Variants in BSPRY observed in about 807,000 individuals in gnomAD.
The protein encoded by BSPRY is B box and SPRY domain-containing protein.
In BSPRY, 33 loss-of-function variants were observed where a neutral mutation model predicts 38.0. The observed-to-expected ratio is 0.87, with a 90% CI of 0.66 to 1.16. The LOEUF (loss-of-function observed/expected upper bound fraction) is 1.16. Ranked by LOEUF, BSPRY falls within the 50% of genes most tolerant of loss-of-function variation. The probability of loss-of-function intolerance (pLI) is 0.00; values close to 1 mark genes in which losing one functional copy is unlikely to be tolerated. For synonymous variants in BSPRY, 224 were observed against 228.5 expected (o/e 0.98, Z 0.18); for missense variants, 523 against 533.2 (o/e 0.98, Z 0.19).
chr9:113,370,049 C>T lies in BSPRY; in HGVS notation c.1116C>T (p.Ser372=), dbSNP rs377414171. Reference sequence around the variant, plus strand: ...AGCTGCTCTTCTATGAGCCAGCCTCCGGCACAGTGCTCTGTGCCCATCATG... The same window carrying T: ...AGCTGCTCTTCTATGAGCCAGCCTCTGGCACAGTGCTCTGTGCCCATCATG... The part of the protein sequence containing the change: ...VQELLFYEPA[S]GTVLCAHHVS... Residue 372 remains serine, a synonymous_variant, in exon 6 of 6, where the codon TCC becomes TCT. Transcript: ENST00000374183. This position sits in a 1 kb window ranked among gnomAD's most constrained non-coding sequence, Gnocchi z 4.8. The T allele has an allele frequency of 4.1e-5, 66 of 1,614,112 alleles. No homozygotes were observed. Among genetic ancestry groups the T allele is most frequent in the Admixed American group, 3.0e-4 (18 of 60,020 alleles).
chr9:113,363,920 G>A (rs1323207731), intron 4 of BSPRY, among the ~76,000 whole-genome samples: 2 of 138,314 alleles, frequency 1.4e-5, no homozygotes, highest in East Asian at 2.3e-4. Context: ...TGGGCGTGAT[G>A]ACTCACGCCT....
At chr9:113,355,760 G>A (rs1588062150) in intron 2 of BSPRY, among the ~76,000 whole-genome samples, 2 of 151,420 alleles carry the variant, frequency 1.3e-5, no homozygotes, top group African/African-American at 2.4e-5. Context: ...GATTACAAGC[G>A]CCCACCACGA....
intron 4 of BSPRY, among the ~76,000 whole-genome samples, chr9:113,363,983 G>A (rs1048641796): frequency 2.0e-5 from 3 of 150,536 alleles, no homozygotes; most frequent in Non-Finnish European, 4.4e-5. Context: ...GAGGTCAGGA[G>A]TTCACAACCA....
At chr9:113,351,745 C>T (rs1296532263) in intron 1 of BSPRY, among the ~76,000 whole-genome samples, 1 of 152,034 alleles carries the variant, frequency 6.6e-6, no homozygotes, top group South Asian at 2.1e-4. Context: ...GAAGTCACTT[C>T]TCTTTGGGCC....
chr9:113,352,729 C>G (rs1392070618), intron 1 of BSPRY, among the ~76,000 whole-genome samples: 2 of 152,106 alleles, frequency 1.3e-5, no homozygotes, highest in Non-Finnish European at 2.9e-5. Context: ...ATGACCTGGT[C>G]TGATTTCCTT....
intron 4 of BSPRY, 68 bp from the exon 5 acceptor site, chr9:113,368,191 C>T: frequency 1.3e-6 from 2 of 1,579,248 alleles, no homozygotes; most frequent in South Asian, 2.3e-5. Context: ...CTTCTCTTCA[C>T]CCCATATTGA....
chr9:113,366,959 C>T (rs149086111), intron 4 of BSPRY, among the ~76,000 whole-genome samples: 7 of 152,262 alleles, frequency 4.6e-5, no homozygotes, highest in East Asian at 3.9e-4. Flanking sequence ...CTGATCTCAA[C>T]GCCATCTTCA....
intron 2 of BSPRY, among the ~76,000 whole-genome samples, chr9:113,355,725 C>T (rs1409787625): frequency 6.6e-6 from 1 of 151,948 alleles, no homozygotes; most frequent in Non-Finnish European, 1.5e-5. Context: ...AGCGATTCTC[C>T]TGCTTCAGCC....
intron 4 of BSPRY, among the ~76,000 whole-genome samples, chr9:113,364,172 G>A (rs929999461): frequency 6.6e-6 from 1 of 152,096 alleles, no homozygotes; most frequent in African/African-American, 2.4e-5. Context: ...GGTGATGGGA[G>A]TGAAACCCTG....
intron 1 of BSPRY, among the ~76,000 whole-genome samples, chr9:113,352,944 G>A (rs1200053416): frequency 6.6e-6 from 1 of 152,202 alleles, no homozygotes; most frequent in African/African-American, 2.4e-5. Context: ...AAACTCCTGG[G>A]TTTTTGGTCT....
chr9:113,370,095 TTCCCA>T lies in BSPRY; in HGVS notation c.1163_1167del (p.Phe388CysfsTer41). ...TCATGTGTCCTTCCCGGGGCCCCTC[TTCCCA>T]GTCTTTGCTGTGGCCGATCAGACCA... On this transcript the variant is annotated frameshift_variant, in exon 6 of 6. Coordinates refer to ENST00000374183, the MANE Select transcript of BSPRY (RefSeq NM_017688.3). LOFTEE classifies it high-confidence loss of function. This position sits in a 1 kb window ranked among gnomAD's most constrained non-coding sequence, Gnocchi z 4.8. The T allele has an allele frequency of 6.2e-7, 1 of 1,605,582 alleles. No individual in the cohort carries two copies. Among genetic ancestry groups the T allele is most frequent in the South Asian group, 1.1e-5 (1 of 90,048 alleles).
chr9:113,355,021 A>G lies in BSPRY; in HGVS notation c.300+683A>G, dbSNP rs190908865. 7.5e-3 allele frequency among the ~76,000 whole-genome samples: 1,148 copies of G among 152,236 alleles called. 5 individuals carry two copies. The highest frequency in any genetic ancestry group is 0.027 in the Middle Eastern group (8 of 294). On this transcript the variant is annotated intron_variant, in intron 2 of 5. Transcript: ENST00000374183. ...CAGATGCCTGCCACCATGAGTGGCT[A>G]ACTTTGTAAATTTTTAGTAGAGACG...
intron 4 of BSPRY, among the ~76,000 whole-genome samples, chr9:113,365,802 CTTTTTTTTTTT>C (rs139762130): frequency 2.8e-5 from 3 of 106,740 alleles, no homozygotes; most frequent in South Asian, 3.4e-4. Flanking sequence ...GTCACAGCTT[CTTTTTTTTTTT>C]TTTTTTTTTG....
At chr9:113,358,163 A>C (rs1834094090) in intron 2 of BSPRY, among the ~76,000 whole-genome samples, 1 of 151,018 alleles carries the variant, frequency 6.6e-6, no homozygotes, top group Admixed American at 6.6e-5. Flanking sequence ...TGAGAGGATC[A>C]CTTGAGCCTA....
chr9:113,353,379 A>G (rs559464013), intron 1 of BSPRY, among the ~76,000 whole-genome samples: 9 of 152,050 alleles, frequency 5.9e-5, no homozygotes, highest in Admixed American at 5.2e-4. Context: ...GCAAGACTCT[A>G]TCTCAAAATA....
At chr9:113,357,938 ATATATC>A (rs1834089235) in intron 2 of BSPRY, among the ~76,000 whole-genome samples, 2 of 77,076 alleles carry the variant, frequency 2.6e-5, no homozygotes, top group African/African-American at 7.8e-5. Flanking sequence ...ATATATATAT[ATATATC>A]TCTATTAAGC....
chr9:113,369,945 C>T lies in BSPRY; in HGVS notation c.1012C>T (p.His338Tyr), dbSNP rs745504390. 3.7e-5 allele frequency: 59 copies of T among 1,614,220 alleles called. No individual in the cohort carries two copies. The highest frequency in any genetic ancestry group is 8.3e-5 in the Admixed American group (5 of 60,034). Residue 338 changes from histidine to tyrosine, a missense_variant, in exon 6 of 6, where the codon CAC becomes TAC. Physicochemically the swap from His to Tyr is moderately conservative, Grantham distance 83 (BLOSUM62 2). Transcript: ENST00000374183. ...SRYDQEFRFS[H>Y]NGQHEPLGLL... ...CTATGATCAGGAGTTTCGTTTCTCA[C>T]ACAATGGGCAGCACGAGCCCCTGGG...
rs1161175626 is a variant in BSPRY, at chr9:113,370,398, T to C, written c.*256T>C. On this transcript the variant is annotated 3_prime_UTR_variant, in exon 6 of 6. Transcript: ENST00000374183. The surrounding 1 kb of genome is among the most constrained non-coding windows in gnomAD (Gnocchi z 4.8). Reference sequence around the variant, plus strand: ...TGGGCCACATAAAATACACTAACGATAGCTGATGAGCTAAAAAAAAAAAAA... The same window carrying C: ...TGGGCCACATAAAATACACTAACGACAGCTGATGAGCTAAAAAAAAAAAAA... The C allele has an allele frequency of 8.8e-6, 3 of 342,520 alleles. No individual in the cohort carries two copies. Among genetic ancestry groups the C allele is most frequent in the Non-Finnish European group, 1.5e-5 (3 of 195,436 alleles). 21.2% of individuals were successfully genotyped at this position (342,520 alleles called of 1,614,324 possible).
At chr9:113,362,481 TGG>T in intron 4 of BSPRY, 87 bp downstream of exon 4, 1 of 1,407,440 alleles carries the variant, frequency 7.1e-7, no homozygotes, top group Non-Finnish European at 1.0e-6. Context: ...CTGCTGCTCT[TGG>T]GAGAATGCAC....
Sources: gnomAD v4.1 joint callset for allele counts (sites outside exome capture counted in the v4.1 genomes callset) on GRCh38, gnomAD v4.1.1 for gene constraint, Gnocchi (gnomAD v3.1) non-coding constraint, MANE v1.5 for transcripts, NCBI Gene and HGNC (gene_info 2026-07-23, HGNC 2026-07-21) for gene names.